The following RHBDF1 variants were observed in gnomAD, a reference collection of about 807,000 sequenced individuals.
The protein encoded by RHBDF1 is rhomboid 5 homolog 1.
RHBDF1 carries 80 observed loss-of-function variants against 98.6 expected under a neutral mutation model. The ratio of observed to expected loss-of-function variants is 0.81; its 90% CI spans 0.68 to 0.98. The LOEUF is 0.98. Among genes scored for constraint, RHBDF1 ranks in the 50% least tolerant of loss-of-function variants. RHBDF1 has a pLI of 0.00. For missense variants in RHBDF1, 1,116 were observed against 1,198.3 expected, an observed-to-expected ratio of 0.93 and a Z score of 1.01; for synonymous variants, 512 against 486.8, an observed-to-expected ratio of 1.05 and a Z score of -0.68.
rs778872015 is a variant in RHBDF1 at position 64,755 on chromosome 16, A to T, written c.192T>A (p.His64Gln). 2.5e-6 allele frequency: 4 copies of T among 1,613,744 alleles called. No individual in the cohort carries two copies. Among genetic ancestry groups the T allele is most frequent in the Admixed American group, 3.3e-5 (2 of 60,002 alleles). Reference sequence around the variant, plus strand: ...GTTGCAGCACCGGCCGCCGGAGCTCATGGTGGGGTGAAGAGATGTGGGCTG... The same window carrying T: ...GTTGCAGCACCGGCCGCCGGAGCTCTTGGTGGGGTGAAGAGATGTGGGCTG... Reference protein sequence around the residue: ...AETAHISSPHHELRRPVLQRQ... With the variant: ...AETAHISSPHQELRRPVLQRQ... Residue 64 changes from histidine (H) to glutamine (Q), a missense_variant, in exon 3 of 18, where the codon CAT (histidine) becomes CAA (glutamine). Coordinates refer to ENST00000262316, the MANE Select transcript of RHBDF1 (RefSeq NM_022450.5).
At position 62,030 on chromosome 16, in the gene RHBDF1, T is replaced by C; in HGVS notation, c.976A>G (p.Lys326Glu). 6.6e-7 allele frequency: 1 copy of C among 1,504,132 alleles called. No homozygotes were observed. The highest frequency in any genetic ancestry group is 2.4e-5 in the East Asian group (1 of 40,924). 93.2% of individuals were successfully genotyped at this position (1,504,132 alleles called of 1,614,324 possible). The stretch of plus-strand genomic sequence containing the variant: ...GGGGCTGCGGCGCCCTCCTTCTGCT[T>C]CCGCCAGCCTCGCTCCAAGGGCCTG... ...LMLPLERGWR[K>E]QKEGAAAPQP... Residue 326 changes from lysine to glutamate, a missense_variant, in exon 8 of 18, where the codon AAG becomes GAG. Coordinates refer to ENST00000262316, the MANE Select transcript of RHBDF1 (RefSeq NM_022450.5).
chr16:61,297 AC>A lies in RHBDF1; in HGVS notation c.1396-17del. 1 of 1,542,020 alleles carries A rather than the reference AC, an allele frequency of 6.5e-7. No homozygotes were observed. Among genetic ancestry groups the A allele is most frequent in the Non-Finnish European group, 8.7e-7 (1 of 1,143,292 alleles). On this transcript the variant is annotated splice_polypyrimidine_tract_variant and intron_variant, in intron 10 of 17. Transcript: ENST00000262316. ...TGAGGGCCTCCTGCGGGCGAGGGAG[AC>A]GAGCGGCCGCAGTCCGGGGCCTCCT...
upstream of RHBDF1, among the ~76,000 whole-genome samples, chr16:75,814 C>CA (rs1898076302): frequency 6.6e-6 from 1 of 152,272 alleles, no homozygotes; most frequent in African/African-American, 2.4e-5. Flanking sequence ...GCTGCCAGCT[C>CA]AAAGCTGTGT....
In RHBDF1 at chr16:62,659, C is replaced by G; in HGVS notation, c.832G>C (p.Asp278His). ...ILHEELSTYP[D>H]EVFESPSEAA... ...TCCGATGGGGACTCGAAAACTTCATCCGGGTATGTGGACAGCTCTTCATGG... is the reference window on the plus strand; with the variant it reads ...TCCGATGGGGACTCGAAAACTTCATGCGGGTATGTGGACAGCTCTTCATGG... The change falls in exon 7 of 18, where the codon GAT (aspartate) becomes CAT (histidine). Residue 278 changes from aspartate (D) to histidine (H), a missense_variant. Asp to His is a moderately conservative substitution (Grantham distance 81, BLOSUM62 -1). Transcript: ENST00000262316. 6.2e-7 allele frequency: 1 copy of G among 1,614,130 alleles called. No individual in the cohort carries two copies. The highest frequency in any genetic ancestry group is 8.5e-7 in the Non-Finnish European group (1 of 1,180,046).
rs555989371 is a variant in RHBDF1 at position 62,473 on chromosome 16, G to A, written c.953+65C>T. On this transcript the variant is annotated intron_variant, in intron 7 of 17. Coordinates refer to ENST00000262316, the MANE Select transcript of RHBDF1 (RefSeq NM_022450.5). ...CCCACAGAGGTGAATGCCGATACTC[G>A]CCCAGCTGTTCCTGACGGGCCCCGG... 3.7e-5 allele frequency: 58 copies of A among 1,575,026 alleles called. No homozygotes were observed. The Middle Eastern group carries it at 5.7e-4, about 15-fold the overall frequency.
intron 1 of RHBDF1, among the ~76,000 whole-genome samples, chr16:67,533 C>T (rs955296289): frequency 6.6e-6 from 1 of 152,220 alleles, no homozygotes; most frequent in Non-Finnish European, 1.5e-5. Flanking sequence ...TCCTGCTCTC[C>T]GCTGCTCCTC....
Position 61,152 on chromosome 16 carries a change from C to A in RHBDF1, c.1525G>T (p.Gly509Cys). Residue 509 changes from glycine to cysteine, a missense_variant, in exon 11 of 18, where the codon GGC becomes TGC. Coordinates refer to ENST00000262316, the MANE Select transcript of RHBDF1 (RefSeq NM_022450.5). ...SACCVRNDRSGCVQTSEEECS... is the reference protein window; with the variant it reads ...SACCVRNDRSCCVQTSEEECS... ...TCCTCCTCCGAGGTCTGCACGCAGC[C>A]CGACCTGTCGTTGCGCACGCAGCAG... The A allele has an allele frequency of 6.5e-7, 1 of 1,537,972 alleles. No homozygotes were observed. The highest frequency in any genetic ancestry group is 8.7e-7 in the Non-Finnish European group (1 of 1,144,864).
At chr16:61,032 G>A in intron 11 of RHBDF1, 88 bp downstream of exon 11, 1 of 1,402,726 alleles carries the variant, frequency 7.1e-7, no homozygotes. Flanking sequence ...AGGAACGAGG[G>A]CGAAGGATCA....
chr16:62,381 G>T (rs1468066349), intron 7 of RHBDF1, among the ~76,000 whole-genome samples, 157 bp downstream of exon 7: 2 of 152,204 alleles, frequency 1.3e-5, no homozygotes, highest in Non-Finnish European at 2.9e-5. Flanking sequence ...GCCCAGCTCT[G>T]CGTCTCCCAC....
At position 64,996 on chromosome 16, in the gene RHBDF1, T is replaced by G; in HGVS notation, c.20A>C (p.Asp7Ala). 1 of 1,521,096 alleles carries G rather than the reference T, an allele frequency of 6.6e-7. No individual in the cohort carries two copies. Among genetic ancestry groups the G allele is most frequent in the Non-Finnish European group, 8.8e-7 (1 of 1,131,962 alleles). 94.2% of individuals were successfully genotyped at this position (1,521,096 alleles called of 1,614,324 possible). A position where few individuals can be genotyped will look rare whatever the true frequency, so the allele number is the denominator to read the frequency against. Residue 7 changes from aspartate to alanine, a missense_variant, in exon 2 of 18, where the codon GAC becomes GCC. Coordinates refer to ENST00000262316, the MANE Select transcript of RHBDF1 (RefSeq NM_022450.5). ...CTTGCGCTGCAGGCTGCTCGTGCTG[T>G]CCCTGCGGGCCTCACTCATGGTTCC... MSEARR[D>A]STSSLQRKKP... is the part of the protein sequence containing the mutation.
chr16:71,181 T>C (rs2141870765), intron 1 of RHBDF1, among the ~76,000 whole-genome samples: 1 of 152,166 alleles, frequency 6.6e-6, no homozygotes, highest in South Asian at 2.1e-4. Flanking sequence ...GGCCAGCTCA[T>C]GAGGGGTGCT....
Position 60,224 on chromosome 16 carries a change from T to G in RHBDF1, c.1714A>C (p.Lys572Gln), listed in dbSNP as rs767678757. Residue 572 changes from lysine to glutamine, a missense_variant, in exon 13 of 18, where the codon AAG becomes CAG. Transcript: ENST00000262316. ...CCCCCACTGCAGCTCACCGGCCACT[T>G]GGTGATGTCTTCTGGCCACTCATGA... is the stretch of plus-strand genomic sequence containing the variant. ...DPHEWPEDIT[K>Q]WPICTKNSAG... 1.2e-6 allele frequency: 2 copies of G among 1,613,970 alleles called. No homozygotes were observed. Among genetic ancestry groups the G allele is most frequent in the South Asian group, 2.2e-5 (2 of 91,072 alleles).
chr16:61,585 C>A lies in RHBDF1; in HGVS notation c.1320G>T (p.Ser440=). The A allele has an allele frequency of 1.9e-6, 3 of 1,613,064 alleles. No individual in the cohort carries two copies. The highest frequency in any genetic ancestry group is 2.5e-6 in the Non-Finnish European group (3 of 1,179,772). Residue 440 remains serine, a splice_region_variant and synonymous_variant, in exon 9 of 18, where the codon TCG becomes TCT. Transcript: ENST00000262316. ...VGFSQHETVD[S]VLRNRGVYEN... ...GCCCAGGGAAGGCACAGGGGCTCAC[C>A]GAGTCCACCGTCTCATGCTGCGAGA...
intron 1 of RHBDF1, among the ~76,000 whole-genome samples, chr16:66,354 T>C (rs1172200278): frequency 6.6e-6 from 1 of 152,080 alleles, no homozygotes; most frequent in African/African-American, 2.4e-5. Context: ...ATAGGGAAAC[T>C]GAGGCCAGGA....
intron 12 of RHBDF1, 30 bp downstream of exon 12, chr16:60,409 G>T: frequency 6.2e-7 from 1 of 1,605,016 alleles, no homozygotes. Flanking sequence ...GTGGACAAAG[G>T]CAGGTGAGAG....
At chr16:60,956 G>A in intron 11 of RHBDF1, 164 bp downstream of exon 11, 1 of 716,228 alleles carries the variant, frequency 1.4e-6, no homozygotes, top group East Asian at 2.8e-5. Flanking sequence ...CTGGAGATGG[G>A]GGAGGGTGGG....
At chr16:61,545 A>G in intron 9 of RHBDF1, 40 bp downstream of exon 9, 1 of 1,611,212 alleles carries the variant, frequency 6.2e-7, no homozygotes, top group South Asian at 1.1e-5. Context: ...CAGTGCCCGG[A>G]CTCCACTCGT....
chr16:60,433 A>G lies in RHBDF1; in HGVS notation c.1658+6T>C. On this transcript the variant is annotated splice_donor_region_variant and intron_variant, in intron 12 of 17. Transcript: ENST00000262316. ...GGCAGGTGAGAGAGCTGCCGGCAGG[A>G]CTAACCTGGGATCCTGGTGGCAGAC... 6.2e-7 allele frequency: 1 copy of G among 1,611,552 alleles called. No individual in the cohort carries two copies. The highest frequency in any genetic ancestry group is 1.1e-5 in the South Asian group (1 of 91,064).
chr16:62,036 A>T lies in RHBDF1; in HGVS notation c.970T>A (p.Trp324Arg). ...SHLMLPLERG[W>R]RKQKEGAAAP... is the part of the protein sequence containing the mutation. ...GCGGCGCCCTCCTTCTGCTTCCGCC[A>T]GCCTCGCTCCAAGGGCCTGGAGGGA... Residue 324 changes from tryptophan to arginine, a missense_variant, in exon 8 of 18, where the codon TGG (tryptophan) becomes AGG (arginine). By Grantham distance (101) the Trp-to-Arg change is moderately radical (BLOSUM62 -3). Transcript: ENST00000262316. 6.7e-7 allele frequency: 1 copy of T among 1,500,938 alleles called. No individual in the cohort carries two copies. The highest frequency in any genetic ancestry group is 8.9e-7 in the Non-Finnish European group (1 of 1,129,030). 93.0% of individuals were successfully genotyped at this position (1,500,938 alleles called of 1,614,324 possible).
Sources: allele counts gnomAD v4.1 joint callset (sites outside exome capture counted in the v4.1 genomes callset), GRCh38; gene constraint gnomAD v4.1.1; transcripts MANE v1.5; gene names NCBI Gene and HGNC (gene_info 2026-07-23, HGNC 2026-07-21).